The following FHL2 variants were observed in gnomAD, a reference collection of about 807,000 sequenced individuals.
FHL2 encodes the protein four and a half LIM domains protein 2.
Under a neutral mutation model 32.7 loss-of-function variants are expected in FHL2, and 20 were observed. That is an observed-to-expected ratio of 0.61 (90% confidence interval 0.43 to 0.89). The LOEUF (loss-of-function observed/expected upper bound fraction) is 0.89. Ranked by LOEUF, FHL2 falls within the 40% of genes least tolerant of loss-of-function variation. The pLI is 0.00. For synonymous variants in FHL2, 123 were observed against 128.1 expected (o/e 0.96, Z 0.27); for missense variants, 311 against 358.6 (o/e 0.87, Z 1.07).
intron 5 of FHL2, among the ~76,000 whole-genome samples, chr2:105,363,799 C>T (rs965831335): frequency 3.9e-5 from 6 of 152,232 alleles, no homozygotes; most frequent in East Asian, 3.9e-4. Context: ...GTGGAGGGGT[C>T]GGGATTCAAT....
At chr2:105,394,251 G>A (rs1291408142) in intron 2 of FHL2, among the ~76,000 whole-genome samples, 2 of 152,110 alleles carry the variant, frequency 1.3e-5, no homozygotes, top group Admixed American at 6.6e-5. Context: ...ATCATGTCAA[G>A]GAAAGTTGCT....
rs4131215 is a variant in FHL2, at chr2:105,405,512, A to G, written c.-24-18972T>C. On this transcript the variant is annotated intron_variant, in intron 1 of 5. Coordinates refer to the FHL2 transcript ENST00000393352. ...TGTAAACTCTGCCTTCCCTGATTCA[A>G]GTGATTCCCCTGCCATGGCCTCCCA... 9.5e-3 allele frequency among the ~76,000 whole-genome samples: 1,448 copies of G among 152,300 alleles called. 9 individuals carry two copies. The highest frequency in any genetic ancestry group is 0.034 in the Middle Eastern group (10 of 294).
chr2:105,361,329 G>C lies in FHL2; in HGVS notation c.794C>G (p.Thr265Arg). Reference protein sequence around the residue: ...SLSLVGRGFLTERDDILCPDC... With the variant: ...SLSLVGRGFLRERDDILCPDC... The stretch of plus-strand genomic sequence containing the variant: ...GGGGCACAGGATGTCGTCCCTCTCT[G>C]TGAGGAAGCCACGCCCCACCAGTGA... Residue 265 changes from threonine to arginine, a missense_variant, in exon 7 of 7, where the codon ACA becomes AGA. Thr to Arg is a moderately conservative substitution (Grantham distance 71). Transcript: ENST00000530340. 2 of 1,614,122 alleles carry C rather than the reference G, an allele frequency of 1.2e-6. No individual in the cohort carries two copies. Among genetic ancestry groups the C allele is most frequent in the Non-Finnish European group, 1.7e-6 (2 of 1,179,964 alleles).
intron 1 of FHL2, among the ~76,000 whole-genome samples, chr2:105,405,136 T>G (rs147524075): frequency 6.6e-6 from 1 of 152,326 alleles, no homozygotes; most frequent in East Asian, 1.9e-4. Flanking sequence ...AAAACTTTGC[T>G]TCTTATTTGA....
intron 1 of FHL2, among the ~76,000 whole-genome samples, chr2:105,408,309 A>G (rs1683696965): frequency 6.6e-6 from 1 of 152,248 alleles, no homozygotes; most frequent in South Asian, 2.1e-4. Flanking sequence ...TTTTCAAAAG[A>G]TAAGTTTGAC....
chr2:105,431,053 G>T (rs1684416678), intron 1 of FHL2, among the ~76,000 whole-genome samples: 1 of 152,170 alleles, frequency 6.6e-6, no homozygotes, highest in South Asian at 2.1e-4. Context: ...TGTTAATCTA[G>T]ATTTTGTGAT....
At chr2:105,434,314 G>C (rs1388519081) in intron 1 of FHL2, among the ~76,000 whole-genome samples, 2 of 152,258 alleles carry the variant, frequency 1.3e-5, no homozygotes, top group Non-Finnish European at 2.9e-5. Flanking sequence ...GCTCACGCCT[G>C]TAATCCTAGT....
At chr2:105,393,625 A>G (rs1682893265) in intron 2 of FHL2, among the ~76,000 whole-genome samples, 1 of 152,240 alleles carries the variant, frequency 6.6e-6, no homozygotes, top group Non-Finnish European at 1.5e-5. Context: ...GGCTTTGTGA[A>G]TACTTGTGGA....
intron 3 of FHL2, among the ~76,000 whole-genome samples, chr2:105,384,236 A>G (rs1383528413): frequency 6.6e-6 from 1 of 152,236 alleles, no homozygotes; most frequent in Non-Finnish European, 1.5e-5. Flanking sequence ...TAAAGCTTTT[A>G]TAATTATATT....
intron 1 of FHL2, among the ~76,000 whole-genome samples, chr2:105,435,108 A>T (rs1684567671): frequency 6.6e-6 from 1 of 152,164 alleles, no homozygotes; most frequent in African/African-American, 2.4e-5. Context: ...GTATTTTTTC[A>T]GTTCATATAT....
intron 1 of FHL2, among the ~76,000 whole-genome samples, chr2:105,406,060 G>A (rs1193370390): frequency 6.6e-6 from 1 of 152,136 alleles, no homozygotes; most frequent in Non-Finnish European, 1.5e-5. Flanking sequence ...AGCATGTTTA[G>A]GAATACCTTT....
At chr2:105,371,866 G>A (rs1017732864) in intron 4 of FHL2, among the ~76,000 whole-genome samples, 2 of 152,170 alleles carry the variant, frequency 1.3e-5, no homozygotes, top group African/African-American at 4.8e-5. Flanking sequence ...GTGACTCCCT[G>A]TGGGGCAGGA....
At chr2:105,416,203 A>T (rs769186395) in intron 1 of FHL2, among the ~76,000 whole-genome samples, 2 of 152,264 alleles carry the variant, frequency 1.3e-5, no homozygotes, top group Non-Finnish European at 1.5e-5. Context: ...AACAGGTAAC[A>T]TAGAATGTTT....
intron 1 of FHL2, among the ~76,000 whole-genome samples, chr2:105,425,399 G>GT: frequency 6.6e-6 from 1 of 152,150 alleles, no homozygotes; most frequent in South Asian, 2.1e-4. Context: ...ATTGTCCAAG[G>GT]TTTCTCCCCA....
rs914887435 is a variant in FHL2, at chr2:105,399,018, C to T, written c.-252G>A. 2.7e-6 allele frequency: 4 copies of T among 1,494,326 alleles called. No homozygotes were observed. In the African/African-American group the frequency reaches 4.4e-5, roughly 16 times the overall value. 92.6% of individuals were successfully genotyped at this position (1,494,326 alleles called of 1,614,324 possible). A position where few individuals can be genotyped will look rare whatever the true frequency, so the allele number is the denominator to read the frequency against. On this transcript the variant is annotated 5_prime_UTR_variant, in exon 1 of 7. Transcript: ENST00000530340. ...CCCGGACGGGGCTGGAGGGCGCGGG[C>T]GGCTGGTGGCTGCGGCTCCGCTGCC... is the stretch of plus-strand genomic sequence containing the variant.
upstream of FHL2, among the ~76,000 whole-genome samples, chr2:105,400,030 A>G (rs952426978): frequency 6.6e-6 from 1 of 152,196 alleles, no homozygotes; most frequent in African/African-American, 2.4e-5. Flanking sequence ...ATGGGTCTCC[A>G]TCATGGAATC....
intron 3 of FHL2, among the ~76,000 whole-genome samples, chr2:105,383,530 G>C (rs1030421843): frequency 6.6e-6 from 1 of 152,124 alleles, no homozygotes; most frequent in Non-Finnish European, 1.5e-5. Context: ...AGTAGGTCAG[G>C]ACTCTCAAAA....
At chr2:105,359,013 G>A (rs1418649781), downstream of FHL2, 1 of 152,156 alleles carries the variant, frequency 6.6e-6, no homozygotes, top group African/African-American at 2.4e-5. Context: ...TTGGATAAAA[G>A]GCCGAAACAG....
At chr2:105,408,547 G>A (rs1558724506) in intron 1 of FHL2, among the ~76,000 whole-genome samples, 1 of 152,110 alleles carries the variant, frequency 6.6e-6, no homozygotes, top group African/African-American at 2.4e-5. Context: ...GCTTTGTATC[G>A]AGAATTCATT....
Sources: allele counts gnomAD v4.1 joint callset (sites outside exome capture counted in the v4.1 genomes callset), GRCh38; gene constraint gnomAD v4.1.1; transcripts MANE v1.5; gene names NCBI Gene and HGNC (gene_info 2026-07-23, HGNC 2026-07-21).